The following ATRNL1 variants were observed in gnomAD, a reference collection of about 807,000 sequenced individuals.
ATRNL1 encodes the protein attractin like 1, also known as attractin-like protein 1.
Under a neutral mutation model 182.7 loss-of-function variants are expected in ATRNL1, and 95 were observed. The observed-to-expected ratio is 0.52, with a 90% CI of 0.44 to 0.62. The LOEUF (loss-of-function observed/expected upper bound fraction) is 0.62. Ranked by LOEUF, ATRNL1 falls within the 20% of genes least tolerant of loss-of-function variation. ATRNL1 has a pLI of 0.00. For missense variants in ATRNL1, 1,471 were observed against 1,679.5 expected (o/e 0.88, Z 2.17); for synonymous variants, 576 against 568.3 (o/e 1.01, Z -0.19).
chr10:115,684,402 A>T (rs1288349363), intron 26 of ATRNL1, among the ~76,000 whole-genome samples: 1 of 150,924 alleles, frequency 6.6e-6, no homozygotes, highest in African/African-American at 2.4e-5. Context: ...TAATGTTATT[A>T]CAAGCATTTT....
chr10:115,864,370 C>G (rs1951386220), intron 28 of ATRNL1, among the ~76,000 whole-genome samples: 1 of 151,774 alleles, frequency 6.6e-6, no homozygotes, highest in Admixed American at 6.6e-5. Context: ...GAAAAATCAC[C>G]ATTAGACAAA....
chr10:115,444,276 G>A (rs1554966211), intron 21 of ATRNL1, among the ~76,000 whole-genome samples: 1 of 152,040 alleles, frequency 6.6e-6, no homozygotes, highest in Non-Finnish European at 1.5e-5. Flanking sequence ...GGGCTAACTA[G>A]ATAGTTACAG....
chr10:115,854,342 C>T (rs1951128548), intron 28 of ATRNL1, among the ~76,000 whole-genome samples: 1 of 152,196 alleles, frequency 6.6e-6, no homozygotes, highest in Non-Finnish European at 1.5e-5. Flanking sequence ...CCTTCCCCTC[C>T]TCTGTTGTTT....
At chr10:115,841,486 A>G (rs1950807417) in intron 27 of ATRNL1, among the ~76,000 whole-genome samples, 1 of 152,108 alleles carries the variant, frequency 6.6e-6, no homozygotes. Flanking sequence ...AGGATATGAA[A>G]ATGAAGTTTA....
intron 3 of ATRNL1, 99 bp from the exon 4 acceptor site, chr10:115,127,494 C>T (rs1449779792): frequency 1.0e-6 from 1 of 954,386 alleles, no homozygotes; most frequent in Non-Finnish European, 1.5e-6. Flanking sequence ...GACGTACAAG[C>T]ATTACTGATC....
At chr10:115,319,514 A>T (rs1483696709) in intron 18 of ATRNL1, among the ~76,000 whole-genome samples, 2 of 152,098 alleles carry the variant, frequency 1.3e-5, no homozygotes, top group African/African-American at 4.8e-5. Flanking sequence ...ATTGTGTGGG[A>T]GTCTAAGTCT....
rs781844663 is a variant in ATRNL1 at position 115,461,925 on chromosome 10, T to C, written c.3323-16T>C. ...TAAAGTACATATCAGGATTGTACTT[T>C]TTTTCCTCCCTACAGACAGCCTTTT... On this transcript the variant is annotated splice_polypyrimidine_tract_variant and intron_variant, in intron 21 of 28. Transcript: ENST00000355044. 10 of 1,589,072 alleles carry C rather than the reference T, an allele frequency of 6.3e-6. No individual in the cohort carries two copies. The Admixed American group carries it at 1.7e-4, about 28-fold the overall frequency.
intron 5 of ATRNL1, among the ~76,000 whole-genome samples, chr10:115,142,703 T>C (rs1845800982): frequency 6.6e-6 from 1 of 152,188 alleles, no homozygotes; most frequent in African/African-American, 2.4e-5. Context: ...GTTCAGAGGC[T>C]ACTGCTATAA....
At chr10:115,347,105 C>T (rs1856011100) in intron 19 of ATRNL1, among the ~76,000 whole-genome samples, 3 of 152,076 alleles carry the variant, frequency 2.0e-5, no homozygotes, top group Admixed American at 2.0e-4. Context: ...TAATACTTCT[C>T]TGCTAGGTTG....
intron 25 of ATRNL1, among the ~76,000 whole-genome samples, chr10:115,534,284 G>A (rs1005226540): frequency 6.6e-6 from 1 of 151,594 alleles, no homozygotes; most frequent in Admixed American, 6.6e-5. Context: ...GAATCTGGGT[G>A]CTCCTGTATT....
chr10:115,579,356 T>G (rs2133881970), intron 26 of ATRNL1, among the ~76,000 whole-genome samples: 1 of 151,984 alleles, frequency 6.6e-6, no homozygotes, highest in African/African-American at 2.4e-5. Context: ...TTTATATGTT[T>G]ATATTCTCTG....
chr10:115,254,142 T>C (rs1851010290), intron 10 of ATRNL1, among the ~76,000 whole-genome samples: 1 of 152,210 alleles, frequency 6.6e-6, no homozygotes, highest in South Asian at 2.1e-4. Context: ...ATCCTTTGGG[T>C]ATATACCCAG....
chr10:115,219,146 T>G (rs1352808502), intron 9 of ATRNL1, among the ~76,000 whole-genome samples: 1 of 148,974 alleles, frequency 6.7e-6, no homozygotes, highest in African/African-American at 2.5e-5. Context: ...GAGGCAGAAG[T>G]GCTTGAACCC....
At chr10:115,621,315 T>TGAGAGAGA (rs1347324012) in intron 26 of ATRNL1, among the ~76,000 whole-genome samples, 1 of 90,036 alleles carries the variant, frequency 1.1e-5, no homozygotes, top group South Asian at 3.7e-4. Context: ...AGAGAGAGAG[T>TGAGAGAGA]GTGTGAGTGA....
chr10:115,720,331 G>A (rs1947384259), intron 26 of ATRNL1, among the ~76,000 whole-genome samples: 1 of 152,130 alleles, frequency 6.6e-6, no homozygotes, highest in Non-Finnish European at 1.5e-5. Flanking sequence ...GCATGGATAT[G>A]TAAAGATAAG....
chr10:115,711,629 G>T (rs1947066087), intron 26 of ATRNL1, among the ~76,000 whole-genome samples: 1 of 152,112 alleles, frequency 6.6e-6, no homozygotes, highest in African/African-American at 2.4e-5. Flanking sequence ...AATGTCAGCT[G>T]CTTTGGGCAT....
chr10:115,655,394 T>C (rs1555035552), intron 26 of ATRNL1, among the ~76,000 whole-genome samples: 1 of 152,238 alleles, frequency 6.6e-6, no homozygotes, highest in East Asian at 1.9e-4. Context: ...AAAATTTCTT[T>C]CATATTCCTT....
At chr10:115,889,015 C>T (rs569686805) in intron 28 of ATRNL1, among the ~76,000 whole-genome samples, 1 of 152,330 alleles carries the variant, frequency 6.6e-6, no homozygotes, top group Admixed American at 6.5e-5. Context: ...GAAAACTAGT[C>T]ATCTCTACCA....
intron 25 of ATRNL1, among the ~76,000 whole-genome samples, chr10:115,545,253 A>G (rs534530553): frequency 0.026 from 3,854 of 150,666 alleles, 212 homozygotes; most frequent in African/African-American, 0.09. Context: ...AAAAAAAAAA[A>G]AAAAGAAAAA....
Sources: gnomAD v4.1 joint callset for allele counts (sites outside exome capture counted in the v4.1 genomes callset) on GRCh38, gnomAD v4.1.1 for gene constraint, MANE v1.5 for transcripts, NCBI Gene and HGNC (gene_info 2026-07-23, HGNC 2026-07-21) for gene names.